CHST11: variants seen among roughly 807,000 people sequenced by gnomAD.
CHST11 encodes carbohydrate sulfotransferase 11.
In CHST11, 9 loss-of-function variants were observed where a neutral mutation model predicts 30.4. The observed-to-expected ratio is 0.30, with a 90% CI of 0.18 to 0.52. The LOEUF is 0.52. CHST11 is among the 20% of genes least tolerant of loss of function. CHST11 has a pLI of 0.97. For synonymous variants in CHST11, 152 were observed against 187.8 expected (o/e 0.81, Z 1.56); for missense variants, 348 against 460.6 (o/e 0.76, Z 2.24).
chr12:104,567,173 T>C (rs929954137), intron 1 of CHST11, among the ~76,000 whole-genome samples: 11 of 152,310 alleles, frequency 7.2e-5, no homozygotes, highest in African/African-American at 2.6e-4. Context: ...CTTGCCAGTT[T>C]GAGCTGCAGG....
chr12:104,738,024 G>C (rs2040315446), intron 2 of CHST11, among the ~76,000 whole-genome samples: 2 of 152,082 alleles, frequency 1.3e-5, no homozygotes, highest in Admixed American at 1.3e-4. Flanking sequence ...GAACCTTTCT[G>C]TTCTTTGCTT....
At chr12:104,503,761 C>A (rs1384341678) in intron 1 of CHST11, among the ~76,000 whole-genome samples, 2 of 152,108 alleles carry the variant, frequency 1.3e-5, no homozygotes, top group Non-Finnish European at 2.9e-5. Flanking sequence ...GGGACATCAG[C>A]ACGGGACACA....
At chr12:104,696,810 A>G (rs1252292870) in intron 2 of CHST11, among the ~76,000 whole-genome samples, 1 of 152,156 alleles carries the variant, frequency 6.6e-6, no homozygotes, top group Non-Finnish European at 1.5e-5. Context: ...TGTGACTCCT[A>G]TATCTGGACC....
At chr12:104,535,915 T>C (rs969120232) in intron 1 of CHST11, among the ~76,000 whole-genome samples, 2 of 152,198 alleles carry the variant, frequency 1.3e-5, no homozygotes, top group Admixed American at 6.5e-5. Flanking sequence ...ATACAGTGGA[T>C]TGTGAAGAAC....
chr12:104,564,050 G>A (rs887036003), intron 1 of CHST11, among the ~76,000 whole-genome samples: 6 of 152,112 alleles, frequency 3.9e-5, no homozygotes, highest in Non-Finnish European at 8.8e-5. Context: ...CGAGGATCAG[G>A]TAGACTCAGT....
intron 2 of CHST11, among the ~76,000 whole-genome samples, chr12:104,643,932 G>A (rs1352043121): frequency 2.0e-5 from 3 of 152,190 alleles, no homozygotes; most frequent in Admixed American, 6.5e-5. Flanking sequence ...CCAAGAGGAA[G>A]CAATTTGAAT....
chr12:104,539,882 C>T (rs1487791136), intron 1 of CHST11, among the ~76,000 whole-genome samples: 1 of 152,116 alleles, frequency 6.6e-6, no homozygotes, highest in East Asian at 1.9e-4. Flanking sequence ...CTGTGTTGCC[C>T]AGGCTGGTCT....
intron 2 of CHST11, among the ~76,000 whole-genome samples, chr12:104,664,153 C>A (rs896909591): frequency 6.6e-6 from 1 of 152,094 alleles, no homozygotes; most frequent in African/African-American, 2.4e-5. Context: ...TTCTATAAAC[C>A]GCGAAATGCT....
rs1565956658 is a variant in CHST11 at position 104,480,275 on chromosome 12, A to G, written c.118+22746A>G. ...ACTTGGAAATAGGGGCATTGCAAATATAGTTAGTTAAGATGAAGTCAACCA... is the reference window on the plus strand; with the variant it reads ...ACTTGGAAATAGGGGCATTGCAAATGTAGTTAGTTAAGATGAAGTCAACCA... On this transcript the variant is annotated intron_variant, in intron 1 of 2. Coordinates refer to ENST00000303694, the MANE Select transcript of CHST11 (RefSeq NM_018413.6). 4.6e-5 allele frequency among the ~76,000 whole-genome samples: 7 copies of G among 152,010 alleles called. 1 individual carries two copies. The highest frequency in any genetic ancestry group is 1.5e-5 in the Non-Finnish European group (1 of 68,022).
intron 1 of CHST11, among the ~76,000 whole-genome samples, chr12:104,473,137 G>T (rs2135955566): frequency 6.6e-6 from 1 of 152,292 alleles, no homozygotes; most frequent in Non-Finnish European, 1.5e-5. Context: ...TAGAAAGGCA[G>T]TAGTTTCAAA....
intron 2 of CHST11, among the ~76,000 whole-genome samples, chr12:104,735,755 A>G (rs553744008): frequency 3.1e-4 from 47 of 152,350 alleles, no homozygotes; most frequent in South Asian, 1.4e-3. Flanking sequence ...GGCAGGGGCC[A>G]GGATGCAGAT....
chr12:104,755,819 CCAG>C (rs1364073531), intron 2 of CHST11, among the ~76,000 whole-genome samples: 1 of 151,982 alleles, frequency 6.6e-6, no homozygotes, highest in Non-Finnish European at 1.5e-5. Context: ...CAAGTTTATA[CCAG>C]CAGAGATTGA....
intron 2 of CHST11, among the ~76,000 whole-genome samples, chr12:104,734,269 A>G (rs1310301135): frequency 6.6e-6 from 1 of 152,264 alleles, no homozygotes; most frequent in East Asian, 1.9e-4. Context: ...AGTTGGAGGT[A>G]CAGAGCTGCT....
At chr12:104,461,990 C>T (rs999645581) in intron 1 of CHST11, among the ~76,000 whole-genome samples, 3 of 150,800 alleles carry the variant, frequency 2.0e-5, no homozygotes, top group Admixed American at 1.3e-4. Flanking sequence ...ATGGTGAATC[C>T]CCGTCTCTAC....
chr12:104,652,735 G>C (rs1345609323), intron 2 of CHST11, among the ~76,000 whole-genome samples: 2 of 152,360 alleles, frequency 1.3e-5, no homozygotes, highest in Middle Eastern at 3.4e-3. Context: ...CTCCCGGGTT[G>C]AAATGAAGCT....
intron 2 of CHST11, among the ~76,000 whole-genome samples, chr12:104,623,020 A>T (rs530115386): frequency 2.6e-4 from 39 of 152,376 alleles, no homozygotes; most frequent in Non-Finnish European, 4.9e-4. Context: ...AGAGGTCAGC[A>T]GACGTTTTCT....
chr12:104,634,723 T>A (rs569322831), intron 2 of CHST11, among the ~76,000 whole-genome samples: 37 of 152,272 alleles, frequency 2.4e-4, no homozygotes, highest in African/African-American at 8.9e-4. Context: ...CTGTTTGGGG[T>A]TAGCTGAGCA....
At chr12:104,632,610 C>T (rs1482948038) in intron 2 of CHST11, among the ~76,000 whole-genome samples, 3 of 152,210 alleles carry the variant, frequency 2.0e-5, no homozygotes, top group Non-Finnish European at 4.4e-5. Flanking sequence ...CCTGAAATCA[C>T]TTTATGTGAT....
At chr12:104,535,996 T>C (rs2038233581) in intron 1 of CHST11, among the ~76,000 whole-genome samples, 1 of 152,180 alleles carries the variant, frequency 6.6e-6, no homozygotes, top group Non-Finnish European at 1.5e-5. Context: ...CAATGGTGCA[T>C]CAGCAACATA....
Sources: gnomAD v4.1 joint callset for allele counts (sites outside exome capture counted in the v4.1 genomes callset) on GRCh38, gnomAD v4.1.1 for gene constraint, MANE v1.5 for transcripts, NCBI Gene and HGNC (gene_info 2026-07-23, HGNC 2026-07-21) for gene names.